Variants in IMMP2L observed in about 807,000 individuals in gnomAD.
IMMP2L encodes the protein mitochondrial inner membrane protease subunit 2.
In IMMP2L, 18 loss-of-function variants were observed where a neutral mutation model predicts 19.3. The observed-to-expected ratio is 0.93, with a 90% CI of 0.64 to 1.38. IMMP2L has a LOEUF of 1.38. Among genes scored for constraint, IMMP2L ranks in the 40% most tolerant of loss-of-function variants. IMMP2L has a pLI of 0.00. For missense variants in IMMP2L, 233 were observed against 218.2 expected (o/e 1.07, Z -0.43); for synonymous variants, 76 against 73.0 (o/e 1.04, Z -0.21).
chr7:111,141,011 A>G (rs2129598255), intron 3 of IMMP2L, among the ~76,000 whole-genome samples: 1 of 152,316 alleles, frequency 6.6e-6, no homozygotes, highest in African/African-American at 2.4e-5. Context: ...ATTATGAAAT[A>G]ATATGACTTT....
At position 111,217,213 on chromosome 7, in the gene IMMP2L, C is replaced by T. The variant is rs112912451; in HGVS notation, c.240-253648G>A. Among the ~76,000 whole-genome samples, 526 of 151,482 alleles carry T rather than the reference C, an allele frequency of 3.5e-3. 2 individuals are homozygous for T. Among genetic ancestry groups the T allele is most frequent in the African/African-American group, 0.012 (500 of 41,236 alleles). On this transcript the variant is annotated intron_variant, in intron 3 of 5. Coordinates refer to ENST00000405709, the MANE Select transcript of IMMP2L (RefSeq NM_032549.4). ...GTTAGGAATATTTTTCTCTGTTCTG[C>T]AATCTGTAGTAATTCTTTATCTTAA... is the stretch of plus-strand genomic sequence containing the variant.
At chr7:110,771,728 A>G (rs554096135) in intron 5 of IMMP2L, among the ~76,000 whole-genome samples, 6 of 152,142 alleles carry the variant, frequency 3.9e-5, no homozygotes, top group African/African-American at 1.4e-4. Context: ...CCCAACGAAG[A>G]CTCCTATAAC....
intron 5 of IMMP2L, among the ~76,000 whole-genome samples, chr7:110,797,874 A>C (rs1800967557): frequency 6.6e-6 from 1 of 152,052 alleles, no homozygotes; most frequent in African/African-American, 2.4e-5. Flanking sequence ...TCAAGAAGTG[A>C]TAAATAACCT....
chr7:110,864,056 G>A (rs887817056), intron 5 of IMMP2L, among the ~76,000 whole-genome samples: 1 of 152,060 alleles, frequency 6.6e-6, no homozygotes, highest in African/African-American at 2.4e-5. Flanking sequence ...GAAAAAGATA[G>A]TTATGTAGGA....
At chr7:110,976,928 T>C (rs1820759573) in intron 3 of IMMP2L, among the ~76,000 whole-genome samples, 1 of 152,044 alleles carries the variant, frequency 6.6e-6, no homozygotes, top group African/African-American at 2.4e-5. Context: ...AAAAACTCAA[T>C]ATTCTAATTC....
intron 3 of IMMP2L, among the ~76,000 whole-genome samples, chr7:111,450,786 G>C (rs998550115): frequency 2.0e-5 from 3 of 150,836 alleles, no homozygotes; most frequent in African/African-American, 7.3e-5. Context: ...TACAACATGG[G>C]AGAAAATTTT....
At chr7:111,180,032 C>T (rs1807528035) in intron 3 of IMMP2L, among the ~76,000 whole-genome samples, 1 of 151,960 alleles carries the variant, frequency 6.6e-6, no homozygotes, top group African/African-American at 2.4e-5. Flanking sequence ...AATGTTGGGG[C>T]TGGTTTGATC....
chr7:111,311,107 C>G (rs1823467709), intron 3 of IMMP2L, among the ~76,000 whole-genome samples: 1 of 152,142 alleles, frequency 6.6e-6, no homozygotes, highest in South Asian at 2.1e-4. Flanking sequence ...TTGTCCCCTT[C>G]TACCACAATA....
intron 4 of IMMP2L, among the ~76,000 whole-genome samples, chr7:110,900,983 C>T (rs997229513): frequency 3.3e-5 from 5 of 151,924 alleles, no homozygotes; most frequent in African/African-American, 1.2e-4. Context: ...AAGGGCCCTT[C>T]TAAATGTGGC....
chr7:111,230,205 T>C (rs1813568537), intron 3 of IMMP2L, among the ~76,000 whole-genome samples: 1 of 152,044 alleles, frequency 6.6e-6, no homozygotes, highest in Non-Finnish European at 1.5e-5. Flanking sequence ...ATGGGGAAGT[T>C]AGTGCTCAGC....
intron 5 of IMMP2L, among the ~76,000 whole-genome samples, chr7:110,767,007 C>T (rs1296003229): frequency 6.6e-6 from 1 of 152,104 alleles, no homozygotes; most frequent in Non-Finnish European, 1.5e-5. Flanking sequence ...CCTTGTTTGG[C>T]ATTTAAAATG....
In IMMP2L at chr7:110,663,624, G is replaced by A. The variant is rs1224596427; in HGVS notation, c.506C>T (p.Pro169Leu). ...CAGTCATTCCTCTTCTCTCTGTACT[G>A]GTAAGCGCTCTGGAGGAAGAACAGA... is the stretch of plus-strand genomic sequence containing the variant. ...LESVLPPERL[P>L]VQREEE Residue 169 changes from proline (P) to leucine (L), a missense_variant, in exon 6 of 6, where the codon CCA (proline) becomes CTA (leucine). Pro to Leu is a moderately conservative substitution (Grantham distance 98). Coordinates refer to ENST00000405709, the MANE Select transcript of IMMP2L (RefSeq NM_032549.4). The A allele has an allele frequency of 1.2e-6, 2 of 1,613,024 alleles. No homozygotes were observed. Among genetic ancestry groups the A allele is most frequent in the Non-Finnish European group, 1.7e-6 (2 of 1,179,282 alleles).
At chr7:111,085,019 G>A (rs558186473) in intron 3 of IMMP2L, among the ~76,000 whole-genome samples, 55 of 152,266 alleles carry the variant, frequency 3.6e-4, no homozygotes, top group African/African-American at 1.3e-3. Context: ...TCAATCCCCT[G>A]AGTGAAAAGA....
chr7:110,734,378 C>T (rs113330916), intron 5 of IMMP2L, among the ~76,000 whole-genome samples: 12 of 152,112 alleles, frequency 7.9e-5, no homozygotes, highest in African/African-American at 2.7e-4. Flanking sequence ...TGTTTGTCTC[C>T]TAGTGTTTCA....
At chr7:110,911,820 C>T (rs551912680) in intron 4 of IMMP2L, among the ~76,000 whole-genome samples, 1 of 152,188 alleles carries the variant, frequency 6.6e-6, no homozygotes, top group South Asian at 2.1e-4. Flanking sequence ...TCTTTCAATT[C>T]CTATTCAAGA....
In IMMP2L at chr7:111,098,527, T is replaced by A. The variant is rs182230238; in HGVS notation, c.240-134962A>T. On this transcript the variant is annotated intron_variant, in intron 3 of 5. Coordinates refer to ENST00000405709, the MANE Select transcript of IMMP2L (RefSeq NM_032549.4). ...CATAAATTAATGTAAGCAGAGCCCT[T>A]ATACGTTCAAACCACATCATCTCTC... 2.0e-5 allele frequency among the ~76,000 whole-genome samples: 3 copies of A among 151,914 alleles called. No individual in the cohort carries two copies. The East Asian group carries it at 5.8e-4, about 29-fold the overall frequency.
chr7:111,368,864 G>A (rs1312291365), intron 3 of IMMP2L, among the ~76,000 whole-genome samples: 1 of 151,932 alleles, frequency 6.6e-6, no homozygotes, highest in African/African-American at 2.4e-5. Flanking sequence ...CTAAAATCTA[G>A]TCCAGGCTTT....
At chr7:111,243,179 C>T (rs1029993220) in intron 3 of IMMP2L, among the ~76,000 whole-genome samples, 4 of 152,100 alleles carry the variant, frequency 2.6e-5, no homozygotes, top group Admixed American at 6.6e-5. Context: ...GCCTTGCTCA[C>T]CAGCCATTCA....
Position 110,950,086 on chromosome 7 carries a change from C to A in IMMP2L, c.305+13414G>T, listed in dbSNP as rs79349578. 1.5e-3 allele frequency among the ~76,000 whole-genome samples: 231 copies of A among 152,238 alleles called. 2 individuals carry two copies. Among genetic ancestry groups the A allele is most frequent in the East Asian group, 0.013 (69 of 5,170 alleles). Reference sequence around the variant, plus strand: ...TCACTACGTTTCTTTCTAGACGTTGCACATTTTCAGGTCTTACTTTTTAAT... The same window carrying A: ...TCACTACGTTTCTTTCTAGACGTTGAACATTTTCAGGTCTTACTTTTTAAT... On this transcript the variant is annotated intron_variant, in intron 4 of 5. Transcript: ENST00000405709.
Sources: gnomAD v4.1 joint callset for allele counts (sites outside exome capture counted in the v4.1 genomes callset) on GRCh38, gnomAD v4.1.1 for gene constraint, MANE v1.5 for transcripts, NCBI Gene and HGNC (gene_info 2026-07-23, HGNC 2026-07-21) for gene names.